The following NEGR1 variants were observed in gnomAD, a reference collection of about 807,000 sequenced individuals.
The protein encoded by NEGR1 is IgLON family member 4.
In NEGR1, 10 loss-of-function variants were observed where a neutral mutation model predicts 40.9. The ratio of observed to expected loss-of-function variants is 0.24; its 90% CI spans 0.15 to 0.42. The LOEUF is 0.42. Ranked by LOEUF, NEGR1 falls within the 10% of genes least tolerant of loss-of-function variation. The probability of loss-of-function intolerance (pLI) is 1.00; values close to 1 mark genes in which losing one functional copy is unlikely to be tolerated. For missense variants in NEGR1, 352 were observed against 438.9 expected, an observed-to-expected ratio of 0.80 and a Z score of 1.77; for synonymous variants, 185 against 166.8, an observed-to-expected ratio of 1.11 and a Z score of -0.84.
chr1:72,004,485 T>C (rs897895621), intron 1 of NEGR1, among the ~76,000 whole-genome samples: 2 of 152,052 alleles, frequency 1.3e-5, no homozygotes, highest in East Asian at 3.9e-4. Flanking sequence ...TAGTACACCA[T>C]GTTTGTCAGG....
intron 6 of NEGR1, among the ~76,000 whole-genome samples, chr1:71,426,838 C>T (rs1646431780): frequency 6.6e-6 from 1 of 152,044 alleles, no homozygotes; most frequent in Admixed American, 6.6e-5. Context: ...AAAACATCAC[C>T]TTTTAACTTA....
intron 1 of NEGR1, among the ~76,000 whole-genome samples, chr1:72,242,298 A>C (rs1231841188): frequency 6.6e-6 from 1 of 151,900 alleles, no homozygotes; most frequent in South Asian, 2.1e-4. Flanking sequence ...AGAAAAAATT[A>C]AGCTATAAAA....
intron 6 of NEGR1, among the ~76,000 whole-genome samples, chr1:71,415,733 A>G (rs1013494240): frequency 2.0e-5 from 3 of 152,094 alleles, no homozygotes; most frequent in African/African-American, 4.8e-5. Flanking sequence ...TGTTTACTCT[A>G]TTTTAGAAAC....
At chr1:72,204,679 T>C (rs1452011339) in intron 1 of NEGR1, among the ~76,000 whole-genome samples, 1 of 151,984 alleles carries the variant, frequency 6.6e-6, no homozygotes, top group Non-Finnish European at 1.5e-5. Flanking sequence ...AAAACTCTAT[T>C]AAAATAATCA....
chr1:72,016,027 A>G (rs1281042096), intron 1 of NEGR1, among the ~76,000 whole-genome samples: 2 of 152,186 alleles, frequency 1.3e-5, no homozygotes, highest in Non-Finnish European at 2.9e-5. Flanking sequence ...AATTTTTTCA[A>G]TATAAGAAAT....
In NEGR1 at chr1:71,843,952, C is replaced by T. The variant is rs192442426; in HGVS notation, c.410-67655G>A. On this transcript the variant is annotated intron_variant, in intron 2 of 6. Transcript: ENST00000357731. ...CTAGGGATATGAAATATCTCTCTCCCTACATTTGTTTCAGTTTCTCCAGAA... is the reference window on the plus strand; with the variant it reads ...CTAGGGATATGAAATATCTCTCTCCTTACATTTGTTTCAGTTTCTCCAGAA... Among the ~76,000 whole-genome samples the T allele has an allele frequency of 5.1e-3, 776 of 152,212 alleles. 4 individuals are homozygous for T. The highest frequency in any genetic ancestry group is 8.2e-3 in the Admixed American group (126 of 15,280).
At chr1:71,617,409 T>C (rs979440602) in intron 4 of NEGR1, among the ~76,000 whole-genome samples, 3 of 152,234 alleles carry the variant, frequency 2.0e-5, no homozygotes, top group African/African-American at 7.2e-5. Context: ...GCAACAATGC[T>C]TGTTTATGTG....
chr1:71,524,820 T>A (rs1647198212), intron 6 of NEGR1, among the ~76,000 whole-genome samples: 1 of 151,432 alleles, frequency 6.6e-6, no homozygotes, highest in African/African-American at 2.4e-5. Flanking sequence ...GACTGAAGAG[T>A]CAGTGTCACC....
chr1:71,879,098 A>C (rs1283907144), intron 2 of NEGR1, among the ~76,000 whole-genome samples: 1 of 151,250 alleles, frequency 6.6e-6, no homozygotes, highest in Non-Finnish European at 1.5e-5. Flanking sequence ...GCGCCATTGC[A>C]CTCCAGCCTG....
At chr1:71,452,522 T>C (rs541945983) in intron 6 of NEGR1, among the ~76,000 whole-genome samples, 110 of 152,312 alleles carry the variant, frequency 7.2e-4, no homozygotes, top group African/African-American at 2.5e-3. Flanking sequence ...AAGAATTCAC[T>C]GGAAAAAATA....
intron 1 of NEGR1, among the ~76,000 whole-genome samples, chr1:72,282,083 G>A (rs1372874460): frequency 1.3e-5 from 2 of 152,078 alleles, no homozygotes; most frequent in Non-Finnish European, 2.9e-5. Flanking sequence ...CTCATCCCCA[G>A]GCTACTTGGC....
chr1:71,404,364 C>G lies in NEGR1; in HGVS notation c.*3082G>C, dbSNP rs892619785. ...CCACATTACTATAACTTGGGCAGTA[C>G]TTTTTATTATATAATTGCTGCATAA... is the stretch of plus-strand genomic sequence containing the variant. On this transcript the variant is annotated 3_prime_UTR_variant, in exon 7 of 7. Coordinates refer to ENST00000357731, the MANE Select transcript of NEGR1 (RefSeq NM_173808.3). 2 of 151,974 alleles carry G rather than the reference C, an allele frequency of 1.3e-5. No homozygotes were observed. Among genetic ancestry groups the G allele is most frequent in the African/African-American group, 4.8e-5 (2 of 41,368 alleles). The allele number at this position is 151,974 out of a possible 1,614,324, so 9.4% of individuals were successfully genotyped here.
chr1:71,486,957 T>C (rs1325323378), intron 6 of NEGR1: 1 of 151,604 alleles, frequency 6.6e-6, no homozygotes, highest in East Asian at 1.9e-4. Context: ...AGCAGAGAAC[T>C]GTGTTTACTT....
intron 1 of NEGR1, among the ~76,000 whole-genome samples, chr1:71,967,226 C>T (rs565096872): frequency 1.6e-4 from 24 of 152,246 alleles, no homozygotes; most frequent in African/African-American, 5.1e-4. Flanking sequence ...TGATATTATA[C>T]TTGCAAAATT....
intron 1 of NEGR1, among the ~76,000 whole-genome samples, chr1:72,153,906 A>G (rs1651257660): frequency 6.6e-6 from 1 of 151,852 alleles, no homozygotes; most frequent in Non-Finnish European, 1.5e-5. Context: ...AATTTAAACA[A>G]ACTAAGGGCT....
chr1:71,841,568 A>G (rs1570419611), intron 2 of NEGR1, among the ~76,000 whole-genome samples: 1 of 152,224 alleles, frequency 6.6e-6, no homozygotes, highest in East Asian at 1.9e-4. Context: ...ATACACTGTC[A>G]TGTCAGTATA....
chr1:72,263,559 C>T (rs911184504), intron 1 of NEGR1, among the ~76,000 whole-genome samples: 8 of 151,570 alleles, frequency 5.3e-5, no homozygotes, highest in Admixed American at 1.3e-4. Flanking sequence ...ATAAAATCTG[C>T]TGTTATAGTT....
intron 1 of NEGR1, among the ~76,000 whole-genome samples, chr1:72,126,965 C>A (rs1307408553): frequency 2.6e-5 from 4 of 152,178 alleles, no homozygotes; most frequent in Non-Finnish European, 4.4e-5. Flanking sequence ...GCACACAAAT[C>A]CGACTTTTTC....
At chr1:72,280,954 G>A (rs1001425155) in intron 1 of NEGR1, among the ~76,000 whole-genome samples, 3 of 152,120 alleles carry the variant, frequency 2.0e-5, no homozygotes, top group African/African-American at 7.2e-5. Context: ...AGAAGGGAGG[G>A]TGATGGGAAA....
Sources: gnomAD v4.1 joint callset for allele counts (sites outside exome capture counted in the v4.1 genomes callset) on GRCh38, gnomAD v4.1.1 for gene constraint, MANE v1.5 for transcripts, NCBI Gene and HGNC (gene_info 2026-07-23, HGNC 2026-07-21) for gene names.